Variants in OSTM1 observed in about 807,000 individuals in gnomAD.
OSTM1 encodes the protein osteoclastogenesis associated transmembrane protein 1, also known as osteopetrosis-associated transmembrane protein 1.
A neutral mutation model predicts 35.4 loss-of-function variants in OSTM1; 26 were observed. The observed-to-expected ratio is 0.73, with a 90% CI of 0.54 to 1.02. OSTM1 has a LOEUF of 1.02. Among genes scored for constraint, OSTM1 ranks in the 50% least tolerant of loss-of-function variants. The pLI, the probability that OSTM1 is intolerant of heterozygous loss-of-function variation, is 0.00. For missense variants in OSTM1, 366 were observed against 409.6 expected, an observed-to-expected ratio of 0.89 and a Z score of 0.92; for synonymous variants, 181 against 165.0, an observed-to-expected ratio of 1.10 and a Z score of -0.75.
chr6:108,048,512 C>T (rs113053901), intron 5 of OSTM1, among the ~76,000 whole-genome samples: 13 of 152,246 alleles, frequency 8.5e-5, no homozygotes, highest in African/African-American at 2.6e-4. Context: ...CTTGGAACTA[C>T]GATTCCAATT....
At chr6:108,047,668 G>C (rs1017612748) in intron 5 of OSTM1, among the ~76,000 whole-genome samples, 1 of 152,080 alleles carries the variant, frequency 6.6e-6, no homozygotes, top group Non-Finnish European at 1.5e-5. Flanking sequence ...GGAGAGAGAC[G>C]GACTAAGCAG....
intron 2 of OSTM1, among the ~76,000 whole-genome samples, chr6:108,055,219 T>G (rs1772149468): frequency 6.6e-6 from 1 of 152,242 alleles, no homozygotes. Flanking sequence ...TATTCTTGCT[T>G]AGAGTTAGCT....
At chr6:108,065,321 C>T (rs928936130) in intron 1 of OSTM1, among the ~76,000 whole-genome samples, 6 of 149,564 alleles carry the variant, frequency 4.0e-5, no homozygotes, top group African/African-American at 1.5e-4. Context: ...CTCACTGCAA[C>T]ATCTGCCTCC....
At chr6:108,066,374 C>CTTCTT (rs74704011) in intron 1 of OSTM1, among the ~76,000 whole-genome samples, 1 of 151,772 alleles carries the variant, frequency 6.6e-6, no homozygotes, top group African/African-American at 2.4e-5. Context: ...AATGTTCCAA[C>CTTCTT]TTCCTTATTT....
chr6:108,050,283 A>G (rs1772053719), intron 4 of OSTM1, among the ~76,000 whole-genome samples: 1 of 152,084 alleles, frequency 6.6e-6, no homozygotes, highest in African/African-American at 2.4e-5. Context: ...GGTAATAGAT[A>G]TAAGAAAATA....
intron 2 of OSTM1, among the ~76,000 whole-genome samples, chr6:108,055,333 G>T: frequency 6.8e-6 from 1 of 147,402 alleles, no homozygotes; most frequent in African/African-American, 2.5e-5. Flanking sequence ...TTTTTTTTAA[G>T]AAACGGGGTC....
intron 1 of OSTM1, among the ~76,000 whole-genome samples, chr6:108,070,668 C>T (rs9486795): frequency 0.41 from 61,856 of 149,710 alleles, 14,220 homozygotes; most frequent in African/African-American, 0.6. Context: ...GCCGGGTGGA[C>T]CACCTGAGGT....
At chr6:108,053,252 T>C (rs1407154766) in intron 3 of OSTM1, among the ~76,000 whole-genome samples, 3 of 152,218 alleles carry the variant, frequency 2.0e-5, no homozygotes, top group Non-Finnish European at 4.4e-5. Flanking sequence ...AAACTTATTA[T>C]TTCCAGAATT....
At chr6:108,064,058 C>G (rs1234358606) in intron 2 of OSTM1, 127 bp downstream of exon 2, 2 of 665,296 alleles carry the variant, frequency 3.0e-6, no homozygotes, top group South Asian at 1.7e-5. Flanking sequence ...GTGTCCATGA[C>G]AGTTTATTTA....
intron 3 of OSTM1, among the ~76,000 whole-genome samples, chr6:108,052,632 TG>T (rs1423717362): frequency 6.6e-6 from 1 of 150,670 alleles, no homozygotes; most frequent in Non-Finnish European, 1.5e-5. Context: ...TACAGGCAGG[TG>T]CCACCATACC....
At chr6:108,055,589 T>C (rs1772157761) in intron 2 of OSTM1, among the ~76,000 whole-genome samples, 1 of 152,236 alleles carries the variant, frequency 6.6e-6, no homozygotes, top group Non-Finnish European at 1.5e-5. Flanking sequence ...TTCCAGATCT[T>C]GGAACTTGTG....
At chr6:108,044,993 T>C (rs1246065517) in intron 5 of OSTM1, among the ~76,000 whole-genome samples, 153 bp from the exon 6 acceptor site, 1 of 152,160 alleles carries the variant, frequency 6.6e-6, no homozygotes, top group Non-Finnish European at 1.5e-5. Flanking sequence ...TAATTAAAAC[T>C]TTTTTCTACC....
intron 5 of OSTM1, among the ~76,000 whole-genome samples, chr6:108,046,189 T>G (rs1771968840): frequency 7.2e-6 from 1 of 139,774 alleles, no homozygotes; most frequent in South Asian, 2.3e-4. Flanking sequence ...TTTTTTTTTT[T>G]TTTGGTATTT....
intron 2 of OSTM1, among the ~76,000 whole-genome samples, chr6:108,056,538 G>A (rs1772172433): frequency 6.6e-6 from 1 of 152,238 alleles, no homozygotes; most frequent in African/African-American, 2.4e-5. Context: ...CAACTGAGAT[G>A]AAACCTAAAC....
Position 108,074,614 on chromosome 6 carries a change from G to A in OSTM1, c.38C>T (p.Ser13Leu), listed in dbSNP as rs1381043550. The A allele has an allele frequency of 1.9e-6, 3 of 1,564,734 alleles. No homozygotes were observed. Among genetic ancestry groups the A allele is most frequent in the Middle Eastern group, 1.9e-4 (1 of 5,328 alleles). ...CCCCAGCGGCAGCCACGGCGGCAAC[G>A]AACACCTCCGCTGCGCGGCTGTCGG... ...PGPTAAQRRC[S>L]LPPWLPLGLL... is the part of the protein sequence containing the mutation. Residue 13 changes from serine (S) to leucine (L), a missense_variant, in exon 1 of 6, where the codon TCG becomes TTG. Physicochemically the swap from Ser to Leu is moderately radical, Grantham distance 145. This residue lies in a region of OSTM1 where 236 missense variants were observed against 239.3 expected (regional missense o/e 0.99). Transcript: ENST00000193322.
chr6:108,063,344 A>G (rs556598362), intron 2 of OSTM1, among the ~76,000 whole-genome samples: 2 of 152,142 alleles, frequency 1.3e-5, no homozygotes, highest in East Asian at 3.9e-4. Context: ...ATCATGTCCA[A>G]TAGTACAGGC....
Position 108,042,414 on chromosome 6 carries a change from C to A in OSTM1, c.*2371G>T. ...TAAGACAGACAGTACTTTCTTTTTT[C>A]TTTTTTTTTTTTTTTTTTTGAGACA... On this transcript the variant is annotated 3_prime_UTR_variant, in exon 6 of 6. Transcript: ENST00000193322. 1 of 129,304 alleles carries A rather than the reference C, an allele frequency of 7.7e-6. No individual in the cohort carries two copies. The highest frequency in any genetic ancestry group is 2.9e-5 in the African/African-American group (1 of 34,296). The allele number at this position is 129,304 out of a possible 1,614,324, so 8.0% of individuals were successfully genotyped here.
At position 108,045,006 on chromosome 6, in the gene OSTM1, C is replaced by G. The variant is rs41287530; in HGVS notation, c.950-166G>C. On this transcript the variant is annotated intron_variant, in intron 5 of 5. Coordinates refer to ENST00000193322, the MANE Select transcript of OSTM1 (RefSeq NM_014028.4). Reference sequence around the variant, plus strand: ...CCTAATTAAAACTTTTTTCTACCAACCTTAAAAACACATAACTTTGTTAGA... The same window carrying G: ...CCTAATTAAAACTTTTTTCTACCAAGCTTAAAAACACATAACTTTGTTAGA... 0.16 allele frequency among the ~76,000 whole-genome samples: 25,001 copies of G among 152,050 alleles called. 2,538 individuals carry two copies. The highest frequency in any genetic ancestry group is 0.22 in the Admixed American group (3,284 of 15,270).
intron 2 of OSTM1, among the ~76,000 whole-genome samples, chr6:108,058,044 CTTT>C (rs761751778): frequency 8.2e-6 from 1 of 121,564 alleles, no homozygotes; most frequent in South Asian, 2.7e-4. Context: ...AAGAGTCAAT[CTTT>C]TTTTTTTTTT....
Sources: allele counts gnomAD v4.1 joint callset (sites outside exome capture counted in the v4.1 genomes callset), GRCh38; gene constraint gnomAD v4.1.1; regional missense constraint gnomAD v4.1.1; transcripts MANE v1.5; gene names NCBI Gene and HGNC (gene_info 2026-07-23, HGNC 2026-07-21).